Variants in ZCCHC10 observed in about 807,000 individuals in gnomAD.
ZCCHC10 encodes the protein zinc finger CCHC-type containing 10, also known as zinc finger CCHC domain-containing protein 10.
In ZCCHC10, 16 loss-of-function variants were observed where a neutral mutation model predicts 19.5. The observed-to-expected ratio is 0.82, with a 90% confidence interval of 0.56 to 1.25. The LOEUF is 1.25. ZCCHC10 is among the 50% of genes most tolerant of loss of function. The pLI, the probability that ZCCHC10 is intolerant of heterozygous loss-of-function variation, is 0.00. For missense variants in ZCCHC10, 197 were observed against 201.0 expected (o/e 0.98, Z 0.12); for synonymous variants, 67 against 72.5 (o/e 0.92, Z 0.38).
At chr5:133,019,608 G>T (rs377085217) in intron 2 of ZCCHC10, among the ~76,000 whole-genome samples, 80 of 152,244 alleles carry the variant, frequency 5.3e-4, no homozygotes, top group African/African-American at 1.7e-3. Context: ...AGAATGTAAA[G>T]TGGCACAAAT....
intron 3 of ZCCHC10, among the ~76,000 whole-genome samples, chr5:133,001,948 G>C (rs1286168718): frequency 7.2e-6 from 1 of 139,768 alleles, no homozygotes; most frequent in Non-Finnish European, 1.5e-5. Context: ...TCAAAATTCA[G>C]CAATCTTTTT....
At chr5:133,004,602 G>C (rs1386049143) in intron 3 of ZCCHC10, among the ~76,000 whole-genome samples, 1 of 151,916 alleles carries the variant, frequency 6.6e-6, no homozygotes, top group Non-Finnish European at 1.5e-5. Context: ...CATTCTCCTG[G>C]CTCAGCCTCC....
chr5:133,022,334 T>C (rs779565180), intron 2 of ZCCHC10, among the ~76,000 whole-genome samples: 1 of 152,102 alleles, frequency 6.6e-6, no homozygotes, highest in Non-Finnish European at 1.5e-5. Context: ...GCAACAGAAA[T>C]TTTTTTAGCT....
intron 2 of ZCCHC10, among the ~76,000 whole-genome samples, chr5:133,020,882 G>A (rs1311780583): frequency 6.6e-6 from 1 of 151,508 alleles, no homozygotes; most frequent in African/African-American, 2.4e-5. Context: ...CACCATGCCC[G>A]GCTAATTTTT....
chr5:133,010,156 T>C (rs935426296), intron 2 of ZCCHC10, among the ~76,000 whole-genome samples: 1 of 151,430 alleles, frequency 6.6e-6, no homozygotes, highest in South Asian at 2.1e-4. Context: ...TCAAGCAATT[T>C]TCCTGCCTCA....
chr5:133,003,278 G>A (rs1360267972), intron 3 of ZCCHC10: 4 of 460,564 alleles, frequency 8.7e-6, no homozygotes, highest in South Asian at 4.9e-5. Context: ...CCAGAGCCCT[G>A]AACAAACTGG....
intron 2 of ZCCHC10, among the ~76,000 whole-genome samples, chr5:133,010,202 C>T (rs1581398754): frequency 1.3e-5 from 2 of 152,100 alleles, no homozygotes; most frequent in Middle Eastern, 6.8e-3. Flanking sequence ...GCACACACCA[C>T]CACGCACGGC....
intron 1 of ZCCHC10, among the ~76,000 whole-genome samples, chr5:133,023,630 CA>C (rs1764476421): frequency 6.6e-6 from 1 of 151,716 alleles, no homozygotes; most frequent in Non-Finnish European, 1.5e-5. Context: ...CAAAATTAGC[CA>C]GGCGGGTAGC....
At chr5:133,017,448 C>T (rs151084820) in intron 2 of ZCCHC10, among the ~76,000 whole-genome samples, 1 of 152,060 alleles carries the variant, frequency 6.6e-6, no homozygotes, top group East Asian at 1.9e-4. Context: ...TGGCTCACTG[C>T]AACCTGAATC....
chr5:132,998,802 G>A lies in ZCCHC10; in HGVS notation c.360C>T (p.Ala120=). 1 of 1,614,170 alleles carries A rather than the reference G, an allele frequency of 6.2e-7. No homozygotes were observed. Among genetic ancestry groups the A allele is most frequent in the East Asian group, 2.2e-5 (1 of 44,888 alleles). Residue 120 remains alanine (A), a synonymous_variant, in exon 5 of 5, where the codon GCC becomes GCT. Coordinates refer to ENST00000509437, the MANE Select transcript of ZCCHC10 (RefSeq NM_001300816.3). ...SSSSSSSDSS[A]SDSSSESEET... Reference sequence around the variant, plus strand: ...CTTCACTCTCTGATGAAGAATCACTGGCAGAACTGTCACTGCTACTGCTAC... The same window carrying A: ...CTTCACTCTCTGATGAAGAATCACTAGCAGAACTGTCACTGCTACTGCTAC...
intron 3 of ZCCHC10, among the ~76,000 whole-genome samples, chr5:133,004,882 G>A (rs1043995600): frequency 1.3e-5 from 2 of 152,102 alleles, no homozygotes; most frequent in African/African-American, 4.8e-5. Flanking sequence ...CATGTCACTC[G>A]ATTCTCTGCA....
intron 2 of ZCCHC10, chr5:133,011,605 A>G (rs112171701): frequency 0.29 from 41,415 of 141,584 alleles, 6,943 homozygotes; most frequent in African/African-American, 0.45. Flanking sequence ...CAGCCTGGGC[A>G]ATACAGTGAG....
At chr5:133,001,419 C>G (rs1339224148) in intron 3 of ZCCHC10, among the ~76,000 whole-genome samples, 1 of 144,678 alleles carries the variant, frequency 6.9e-6, no homozygotes, top group Non-Finnish European at 1.5e-5. Flanking sequence ...ACAACAACAA[C>G]AAGAAAAAAA....
intron 2 of ZCCHC10, among the ~76,000 whole-genome samples, chr5:133,017,264 T>C (rs994976593): frequency 1.3e-5 from 2 of 152,180 alleles, no homozygotes; most frequent in African/African-American, 4.8e-5. Flanking sequence ...AAAGCCAAGT[T>C]GACCCTCTGC....
intron 2 of ZCCHC10, among the ~76,000 whole-genome samples, chr5:133,010,726 C>G (rs1763443777): frequency 1.3e-5 from 2 of 152,154 alleles, no homozygotes; most frequent in East Asian, 3.8e-4. Context: ...GCACCTTGGC[C>G]TCCCAAAGTG....
In ZCCHC10 at chr5:133,017,176, G is replaced by A. The variant is rs1056914239; in HGVS notation, c.107+5665C>T. Among the ~76,000 whole-genome samples, 5 of 152,194 alleles carry A rather than the reference G, an allele frequency of 3.3e-5. 1 individual carries two copies. Among genetic ancestry groups the A allele is most frequent in the Admixed American group, 6.6e-5 (1 of 15,260 alleles). On this transcript the variant is annotated intron_variant, in intron 2 of 4. Transcript: ENST00000509437. ...ACTTCCCCACTACTGGATGACCTCT[G>A]CAACCTGCTGACATCACAAGCCAGT...
chr5:133,005,006 G>A (rs546095752), intron 3 of ZCCHC10, among the ~76,000 whole-genome samples: 1 of 151,818 alleles, frequency 6.6e-6, no homozygotes, highest in South Asian at 2.1e-4. Flanking sequence ...CCTTAAAAAA[G>A]AATTTACTCT....
rs781169684 is a variant in ZCCHC10, at chr5:132,997,999, G to A, written c.*584C>T. On this transcript the variant is annotated 3_prime_UTR_variant, in exon 5 of 5. Transcript: ENST00000509437. ...AAGGAACCAGAAGAAAATGAATGAC[G>A]TAACACAGCAATTTGAAACTTACAG... The A allele has an allele frequency of 3.9e-5, 6 of 152,062 alleles. No homozygotes were observed. The highest frequency in any genetic ancestry group is 7.4e-5 in the Non-Finnish European group (5 of 68,010). The allele number at this position is 152,062 out of a possible 1,614,324, so 9.4% of individuals were successfully genotyped here.
At position 133,016,445 on chromosome 5, in the gene ZCCHC10, C is replaced by CT. The variant is rs200348677; in HGVS notation, c.107+6395dup. 1.5e-4 allele frequency among the ~76,000 whole-genome samples: 22 copies of CT among 149,340 alleles called. No homozygotes were observed. The South Asian group carries it at 1.7e-3, about 12-fold the overall frequency. ...AGAAGCAATTATTATTTATTTTTCT[C>CT]TTTTTTTTTTATTCTGAGACGGAGT... is the stretch of plus-strand genomic sequence containing the variant. On this transcript the variant is annotated intron_variant, in intron 2 of 4. Transcript: ENST00000509437.
Sources: allele counts gnomAD v4.1 joint callset (sites outside exome capture counted in the v4.1 genomes callset), GRCh38; gene constraint gnomAD v4.1.1; transcripts MANE v1.5; gene names NCBI Gene and HGNC (gene_info 2026-07-23, HGNC 2026-07-21).